Variants in RERE observed in about 807,000 individuals in gnomAD.
RERE encodes the protein arginine-glutamic acid dipeptide repeats, also known as arginine-glutamic acid dipeptide repeats protein.
Under a neutral mutation model 146.1 loss-of-function variants are expected in RERE, and 40 were observed. That is an observed-to-expected ratio of 0.27 (90% CI 0.21 to 0.36). The LOEUF (loss-of-function observed/expected upper bound fraction) is 0.36, where lower values mean the gene tolerates loss of function less well. Ranked by LOEUF, RERE falls within the 10% of genes least tolerant of loss-of-function variation. The pLI, the probability that RERE is intolerant of heterozygous loss-of-function variation, is 1.00. For synonymous variants in RERE, 1,003 were observed against 866.0 expected, an observed-to-expected ratio of 1.16 and a Z score of -2.78; for missense variants, 1,933 against 2,138.7, an observed-to-expected ratio of 0.90 and a Z score of 1.90.
intron 4 of RERE, among the ~76,000 whole-genome samples, chr1:8,598,500 C>T (rs1646582575): frequency 6.6e-6 from 1 of 152,168 alleles, no homozygotes; most frequent in African/African-American, 2.4e-5. Flanking sequence ...AGGAACCAGA[C>T]CTGACTCTGT....
chr1:8,718,480 A>C (rs1639802247), intron 1 of RERE, among the ~76,000 whole-genome samples: 1 of 152,234 alleles, frequency 6.6e-6, no homozygotes, highest in Admixed American at 6.5e-5. Context: ...AAGCCAATGG[A>C]TCACCAACCT....
intron 4 of RERE, among the ~76,000 whole-genome samples, chr1:8,613,209 G>A (rs1646812716): frequency 6.6e-6 from 1 of 152,114 alleles, no homozygotes; most frequent in East Asian, 1.9e-4. Context: ...GGCTTGCCTA[G>A]AGTAAAAAAG....
rs140225076 is a variant in RERE at position 8,692,561 on chromosome 1, C to A, written c.-144-36120G>T. 9.7e-3 allele frequency among the ~76,000 whole-genome samples: 1,473 copies of A among 152,160 alleles called. 25 individuals are homozygous for A. The highest frequency in any genetic ancestry group is 0.024 in the Middle Eastern group (7 of 294). On this transcript the variant is annotated intron_variant, in intron 1 of 22. Transcript: ENST00000400908. Reference sequence around the variant, plus strand: ...ACAGGGTTTCACTATAATGGCCAGGCTGGTCTCTAACTCCTGATCTCAAGT... The same window carrying A: ...ACAGGGTTTCACTATAATGGCCAGGATGGTCTCTAACTCCTGATCTCAAGT...
chr1:8,776,499 T>C (rs772957638), intron 1 of RERE, among the ~76,000 whole-genome samples: 3 of 152,200 alleles, frequency 2.0e-5, no homozygotes, highest in Non-Finnish European at 4.4e-5. Flanking sequence ...GCTTTCGCCA[T>C]GTTGGCCAGG....
chr1:8,710,080 G>T (rs1393657909), intron 1 of RERE, among the ~76,000 whole-genome samples: 1 of 152,168 alleles, frequency 6.6e-6, no homozygotes, highest in Non-Finnish European at 1.5e-5. Context: ...TCTCACATCA[G>T]TGAAAAGATC....
chr1:8,690,945 T>C (rs1639193741), intron 1 of RERE, among the ~76,000 whole-genome samples: 1 of 152,174 alleles, frequency 6.6e-6, no homozygotes, highest in African/African-American at 2.4e-5. Context: ...GTCACCAGGC[T>C]GGAATGCAGT....
At chr1:8,587,843 C>A (rs1646444373) in intron 4 of RERE, among the ~76,000 whole-genome samples, 1 of 152,092 alleles carries the variant, frequency 6.6e-6, no homozygotes, top group African/African-American at 2.4e-5. Context: ...CTTGTGAGTC[C>A]CACCTTAAAA....
At chr1:8,416,235 A>G (rs1057020930) in intron 12 of RERE, among the ~76,000 whole-genome samples, 6 of 152,240 alleles carry the variant, frequency 3.9e-5, no homozygotes, top group Admixed American at 2.6e-4. Context: ...CAGGAGTTAC[A>G]ATCATGTTTC....
intron 1 of RERE, among the ~76,000 whole-genome samples, chr1:8,716,059 C>T (rs1178779441): frequency 6.6e-6 from 1 of 151,488 alleles, no homozygotes; most frequent in Non-Finnish European, 1.5e-5. Context: ...GCGGGAGGAT[C>T]CCTTCAGCCA....
intron 12 of RERE, among the ~76,000 whole-genome samples, chr1:8,384,324 G>A (rs1557601980): frequency 6.6e-6 from 1 of 152,176 alleles, no homozygotes; most frequent in Non-Finnish European, 1.5e-5. Flanking sequence ...TACAATGTCA[G>A]TTCTGTAATC....
chr1:8,756,710 G>A (rs1640645664), intron 1 of RERE, among the ~76,000 whole-genome samples: 1 of 152,136 alleles, frequency 6.6e-6, no homozygotes, highest in African/African-American at 2.4e-5. Flanking sequence ...TTTAACTTTA[G>A]AATGAAAACA....
At chr1:8,815,130 G>T (rs539833546) in intron 1 of RERE, among the ~76,000 whole-genome samples, 2 of 152,234 alleles carry the variant, frequency 1.3e-5, no homozygotes, top group South Asian at 4.1e-4. Flanking sequence ...CCATCCTTGG[G>T]CCACAGCTGG....
chr1:8,432,154 C>T (rs747983599), intron 11 of RERE, among the ~76,000 whole-genome samples: 5 of 152,172 alleles, frequency 3.3e-5, no homozygotes, highest in East Asian at 1.9e-4. Flanking sequence ...ATTCCTAGTA[C>T]GTCCAAACTA....
intron 1 of RERE, among the ~76,000 whole-genome samples, chr1:8,789,488 AT>A (rs1036946998): frequency 1.3e-5 from 2 of 151,418 alleles, no homozygotes; most frequent in Non-Finnish European, 1.5e-5. Flanking sequence ...AGATGCACAC[AT>A]AACTCTTTAT....
chr1:8,601,804 A>G (rs1646635276), intron 4 of RERE, among the ~76,000 whole-genome samples: 1 of 151,332 alleles, frequency 6.6e-6, no homozygotes, highest in Non-Finnish European at 1.5e-5. Context: ...CACATCTTCT[A>G]TTAGAGAGAA....
Position 8,521,176 on chromosome 1 carries a change from C to CAAAAAAAAAA in RERE, c.831-12511_831-12502dup, listed in dbSNP as rs36115526. Among the ~76,000 whole-genome samples, 36 of 109,856 alleles carry CAAAAAAAAAA rather than the reference C, an allele frequency of 3.3e-4. 1 individual carries two copies. Among genetic ancestry groups the CAAAAAAAAAA allele is most frequent in the African/African-American group, 8.2e-4 (23 of 28,158 alleles). 72.1% of individuals were successfully genotyped at this position (109,856 alleles called of 152,430 possible). Reference sequence around the variant, plus strand: ...TTATGGAAGTAGAGCTTCTTTTTTTCAAAAAAAAAAAAAAAAAGAACTCCA... The same window carrying CAAAAAAAAAA: ...TTATGGAAGTAGAGCTTCTTTTTTTCAAAAAAAAAAAAAAAAAAAAAAAAAAAGAACTCCA... On this transcript the variant is annotated intron_variant, in intron 7 of 22. Transcript: ENST00000400908.
At chr1:8,369,853 G>A (rs1016209714) in intron 12 of RERE, among the ~76,000 whole-genome samples, 1 of 151,938 alleles carries the variant, frequency 6.6e-6, no homozygotes, top group African/African-American at 2.4e-5. Context: ...GCAGTGGCAC[G>A]ATCTCGGCTC....
At chr1:8,498,732 T>TATACACACACACAC (rs150497092) in intron 8 of RERE, among the ~76,000 whole-genome samples, 3,839 of 107,712 alleles carry the variant, frequency 0.036, 143 homozygotes, top group East Asian at 0.074. Flanking sequence ...AATAAATATA[T>TATACACACACACAC]ACACACACAC....
At chr1:8,430,015 C>G (rs1644074585) in intron 11 of RERE, 1 of 152,148 alleles carries the variant, frequency 6.6e-6, no homozygotes, top group Admixed American at 6.5e-5. Flanking sequence ...GGATGCCAGG[C>G]AGAAGAAATA....
Sources: gnomAD v4.1 joint callset for allele counts (sites outside exome capture counted in the v4.1 genomes callset) on GRCh38, gnomAD v4.1.1 for gene constraint, MANE v1.5 for transcripts, NCBI Gene and HGNC (gene_info 2026-07-23, HGNC 2026-07-21) for gene names.